The following RFTN2 variants were observed in gnomAD, a reference collection of about 807,000 sequenced individuals.
The protein encoded by RFTN2 is raftlin family member 2.
In RFTN2, 34 loss-of-function variants were observed where a neutral mutation model predicts 52.7. The ratio of observed to expected loss-of-function variants is 0.64; its 90% CI spans 0.49 to 0.86. The LOEUF is 0.86. Ranked by LOEUF, RFTN2 falls within the 40% of genes least tolerant of loss-of-function variation. The pLI is 0.00. For synonymous variants in RFTN2, 203 were observed against 217.7 expected (o/e 0.93, Z 0.59); for missense variants, 536 against 600.1 (o/e 0.89, Z 1.12).
At position 197,633,842 on chromosome 2, in the gene RFTN2, A is replaced by C. The variant is rs143754556; in HGVS notation, c.594T>G (p.Asn198Lys). Residue 198 changes from asparagine to lysine, a missense_variant, in exon 4 of 9, where the codon AAT becomes AAG. Asn to Lys is a moderately conservative substitution (Grantham distance 94). Transcript: ENST00000295049. ...ATGACTGCCCACTTAACGTCCCTTC[A>C]TTCCAACTTCTACAGTTTTCATCTG... The part of the protein sequence containing the change: ...HGSDENCRSW[N>K]EGTLSGQSSE... 10,020 of 1,613,872 alleles carry C rather than the reference A, an allele frequency of 6.2e-3. 43 individuals are homozygous for C. Among genetic ancestry groups the C allele is most frequent in the Non-Finnish European group, 7.5e-3 (8,860 of 1,179,878 alleles).
In RFTN2 at chr2:197,571,534, AATAG is replaced by A. The variant is rs1278608264; in HGVS notation, c.*470_*473del. 2 of 155,948 alleles carry A rather than the reference AATAG, an allele frequency of 1.3e-5. No individual in the cohort carries two copies. The highest frequency in any genetic ancestry group is 4.8e-5 in the African/African-American group (2 of 41,472). The allele number at this position is 155,948 out of a possible 1,614,324, so 9.7% of individuals were successfully genotyped here. On this transcript the variant is annotated 3_prime_UTR_variant, in exon 9 of 9. Coordinates refer to ENST00000295049, the MANE Select transcript of RFTN2 (RefSeq NM_144629.3). ...TGTGGATTAATTATTATATTTGGGAAATAGATATTTATTTGCACTAATTAGCTGT... is the reference window on the plus strand; with the variant it reads ...TGTGGATTAATTATTATATTTGGGAAATATTTATTTGCACTAATTAGCTGT...
intron 8 of RFTN2, among the ~76,000 whole-genome samples, chr2:197,582,842 G>A (rs1317342328): frequency 6.6e-6 from 1 of 152,092 alleles, no homozygotes; most frequent in South Asian, 2.1e-4. Flanking sequence ...AAATCCCATC[G>A]CTCAGGGCTA....
rs553469239 is a variant in RFTN2 at position 197,609,646 on chromosome 2, G to A, written c.1154+6230C>T. On this transcript the variant is annotated intron_variant, in intron 7 of 8. Transcript: ENST00000295049. ...AAGCACTTTAGTTTAATTAGATCCC[G>A]TTTGTCTATTTTGGCTTTTGGTGTT... 4.5e-3 allele frequency among the ~76,000 whole-genome samples: 678 copies of A among 151,592 alleles called. 3 individuals carry two copies. Among genetic ancestry groups the A allele is most frequent in the African/African-American group, 0.015 (632 of 41,420 alleles).
At chr2:197,654,664 C>T (rs1056432693) in intron 1 of RFTN2, among the ~76,000 whole-genome samples, 1 of 151,934 alleles carries the variant, frequency 6.6e-6, no homozygotes, top group Non-Finnish European at 1.5e-5. Flanking sequence ...CAGATGACAC[C>T]AGAGGGAATA....
intron 8 of RFTN2, among the ~76,000 whole-genome samples, chr2:197,594,419 C>T (rs1397237621): frequency 1.3e-5 from 2 of 152,090 alleles, no homozygotes; most frequent in African/African-American, 2.4e-5. Context: ...CACTGAACTC[C>T]TGGGCTCAAG....
chr2:197,598,145 G>A (rs920235881), intron 7 of RFTN2, among the ~76,000 whole-genome samples: 1 of 151,910 alleles, frequency 6.6e-6, no homozygotes, highest in Non-Finnish European at 1.5e-5. Context: ...TGAGACTCTT[G>A]TATCTACAAA....
At position 197,606,922 on chromosome 2, in the gene RFTN2, C is replaced by T. The variant is rs541702164; in HGVS notation, c.1154+8954G>A. Among the ~76,000 whole-genome samples, 352 of 152,254 alleles carry T rather than the reference C, an allele frequency of 2.3e-3. 2 individuals are homozygous for T. Among genetic ancestry groups the T allele is most frequent in the Non-Finnish European group, 4.1e-3 (276 of 68,028 alleles). The stretch of plus-strand genomic sequence containing the variant: ...TCAGCCATTGTGGAAGTCAGTGTGG[C>T]GATTCCTCAGGGATCTGGAACTAGA... On this transcript the variant is annotated intron_variant, in intron 7 of 8. Coordinates refer to ENST00000295049, the MANE Select transcript of RFTN2 (RefSeq NM_144629.3).
intron 5 of RFTN2, among the ~76,000 whole-genome samples, chr2:197,625,338 A>G (rs928268475): frequency 6.6e-6 from 1 of 152,050 alleles, no homozygotes; most frequent in African/African-American, 2.4e-5. Flanking sequence ...GGAATGGTTT[A>G]CTTTTCTGGA....
chr2:197,624,125 C>T (rs559929676), intron 5 of RFTN2, among the ~76,000 whole-genome samples: 2 of 152,034 alleles, frequency 1.3e-5, no homozygotes, highest in African/African-American at 4.8e-5. Flanking sequence ...AAAATGGAAT[C>T]TACTCCTGGT....
At chr2:197,612,868 C>T (rs1170623719) in intron 7 of RFTN2, among the ~76,000 whole-genome samples, 1 of 152,096 alleles carries the variant, frequency 6.6e-6, no homozygotes, top group African/African-American at 2.4e-5. Flanking sequence ...GCTTAGGTGA[C>T]AGAAGAGTAG....
At chr2:197,656,200 A>C (rs1441019288) in intron 1 of RFTN2, among the ~76,000 whole-genome samples, 1 of 152,136 alleles carries the variant, frequency 6.6e-6, no homozygotes, top group Non-Finnish European at 1.5e-5. Context: ...AATCCTCCTT[A>C]TATGGTTGTT....
intron 1 of RFTN2, among the ~76,000 whole-genome samples, chr2:197,668,511 C>G (rs1481529534): frequency 2.6e-5 from 4 of 152,096 alleles, no homozygotes; most frequent in African/African-American, 9.7e-5. Context: ...AGCACTTCAG[C>G]CCTGGGCGTG....
At chr2:197,603,345 CT>C (rs915853002) in intron 7 of RFTN2, among the ~76,000 whole-genome samples, 11 of 151,910 alleles carry the variant, frequency 7.2e-5, no homozygotes, top group Admixed American at 5.2e-4. Context: ...AAATTAAAAC[CT>C]TTTGTTAATT....
At chr2:197,653,285 T>A (rs1447267406) in intron 1 of RFTN2, among the ~76,000 whole-genome samples, 1 of 151,718 alleles carries the variant, frequency 6.6e-6, no homozygotes, top group Non-Finnish European at 1.5e-5. Context: ...AGTAACAAGC[T>A]GGAGTACATT....
chr2:197,615,985 T>C lies in RFTN2; in HGVS notation c.1051-6A>G. ...TCTGTTTTGATTTCACATCCCTGCA[T>C]GAATAAGTATAAGAGCTCATAGTCT... On this transcript the variant is annotated splice_region_variant and splice_polypyrimidine_tract_variant and intron_variant, in intron 6 of 8. Coordinates refer to ENST00000295049, the MANE Select transcript of RFTN2 (RefSeq NM_144629.3). 1 of 1,518,772 alleles carries C rather than the reference T, an allele frequency of 6.6e-7. No homozygotes were observed. The highest frequency in any genetic ancestry group is 9.0e-7 in the Non-Finnish European group (1 of 1,116,522). 94.1% of individuals were successfully genotyped at this position (1,518,772 alleles called of 1,614,324 possible). A position where few individuals can be genotyped will look rare whatever the true frequency, so the allele number is the denominator to read the frequency against.
chr2:197,634,093 A>G (rs2088516123), intron 3 of RFTN2, 96 bp from the exon 4 acceptor site: 3 of 1,021,694 alleles, frequency 2.9e-6, no homozygotes, highest in African/African-American at 1.6e-5. Context: ...GAAATCCACT[A>G]GAAGATGGAG....
chr2:197,644,011 T>C, intron 3 of RFTN2, 147 bp downstream of exon 3: 1 of 616,064 alleles, frequency 1.6e-6, no homozygotes, highest in Non-Finnish European at 2.9e-6. Context: ...CTTTACCATT[T>C]GGCACAAGTA....
At chr2:197,653,549 TAA>T (rs774420200) in intron 1 of RFTN2, among the ~76,000 whole-genome samples, 47 of 140,852 alleles carry the variant, frequency 3.3e-4, no homozygotes, top group Admixed American at 3.6e-4. Context: ...TCTGGTTAGT[TAA>T]AAAAAAAAAA....
chr2:197,652,302 G>C (rs2088836696), intron 1 of RFTN2, among the ~76,000 whole-genome samples: 1 of 152,148 alleles, frequency 6.6e-6, no homozygotes, highest in African/African-American at 2.4e-5. Flanking sequence ...GAAAGCCCCA[G>C]TCTCAAACTT....
Sources: gnomAD v4.1 joint callset for allele counts (sites outside exome capture counted in the v4.1 genomes callset) on GRCh38, gnomAD v4.1.1 for gene constraint, MANE v1.5 for transcripts, NCBI Gene and HGNC (gene_info 2026-07-23, HGNC 2026-07-21) for gene names.